Variants in OSMR observed in about 807,000 individuals in gnomAD.
OSMR encodes oncostatin-M-specific receptor subunit beta.
Under a neutral mutation model 99.9 loss-of-function variants are expected in OSMR, and 81 were observed. The observed-to-expected ratio is 0.81, with a 90% CI of 0.68 to 0.97. The LOEUF is 0.97. Among genes scored for constraint, OSMR ranks in the 50% least tolerant of loss-of-function variants. The probability of loss-of-function intolerance (pLI) is 0.00; values close to 1 mark genes in which losing one functional copy is unlikely to be tolerated. For synonymous variants in OSMR, 406 were observed against 410.4 expected (o/e 0.99, Z 0.13); for missense variants, 1,099 against 1,153.4 (o/e 0.95, Z 0.68).
chr5:38,881,194 CT>C (rs367864552), intron 3 of OSMR, among the ~76,000 whole-genome samples: 349 of 148,224 alleles, frequency 2.4e-3, no homozygotes, highest in African/African-American at 5.1e-3. Context: ...AACAAACAAT[CT>C]TTTTTTTTTT....
intron 15 of OSMR, among the ~76,000 whole-genome samples, chr5:38,930,682 C>A (rs990979348): frequency 6.6e-6 from 1 of 152,034 alleles, no homozygotes; most frequent in Non-Finnish European, 1.5e-5. Flanking sequence ...GAGATACTCT[C>A]TGAAAGAAAA....
Position 38,924,236 on chromosome 5 carries a change from C to T in OSMR, c.1871-186C>T, listed in dbSNP as rs956950365. 5 of 845,914 alleles carry T rather than the reference C, an allele frequency of 5.9e-6. No individual in the cohort carries two copies. In the African/African-American group the frequency reaches 9.2e-5, roughly 16 times the overall value. The allele number at this position is 845,914 out of a possible 1,614,324, so 52.4% of individuals were successfully genotyped here. A position where few individuals can be genotyped will look rare whatever the true frequency, so the allele number is the denominator to read the frequency against. ...GCAAGACTTGAACAAGATTGCTCAA[C>T]TCCTTCACAGCTCTCATAAACTATG... is the stretch of plus-strand genomic sequence containing the variant. On this transcript the variant is annotated intron_variant, in intron 13 of 17. Coordinates refer to ENST00000274276, the MANE Select transcript of OSMR (RefSeq NM_003999.3).
intron 9 of OSMR, among the ~76,000 whole-genome samples, chr5:38,916,695 AAATC>A (rs1213818131): frequency 2.0e-5 from 3 of 152,166 alleles, no homozygotes; most frequent in Admixed American, 6.5e-5. Flanking sequence ...TTTAGATGCA[AAATC>A]AATCAGTCAA....
intron 7 of OSMR, among the ~76,000 whole-genome samples, chr5:38,892,800 G>A (rs558852510): frequency 1.3e-5 from 2 of 152,184 alleles, no homozygotes; most frequent in South Asian, 2.1e-4. Flanking sequence ...TCCTAGAACA[G>A]GGGAGTGATA....
intron 9 of OSMR, among the ~76,000 whole-genome samples, chr5:38,912,344 A>T (rs556995702): frequency 6.6e-6 from 1 of 152,350 alleles, no homozygotes; most frequent in African/African-American, 2.4e-5. Flanking sequence ...ATACACAAAA[A>T]TATCTAGTAA....
chr5:38,927,874 T>A (rs1746542204), intron 15 of OSMR, among the ~76,000 whole-genome samples: 1 of 152,242 alleles, frequency 6.6e-6, no homozygotes, highest in South Asian at 2.1e-4. Context: ...CTGCTTCCTC[T>A]TGAATGCTTT....
At position 38,908,978 on chromosome 5, in the gene OSMR, C is replaced by T. The variant is rs537470287; in HGVS notation, c.1285+4475C>T. On this transcript the variant is annotated intron_variant, in intron 9 of 17. Transcript: ENST00000274276. ...TATGGATAGAAACAAAGATCATCAA[C>T]ATCCAAGAGAAAGTGAAAACCCAAT... is the stretch of plus-strand genomic sequence containing the variant. Among the ~76,000 whole-genome samples the T allele has an allele frequency of 1.9e-4, 29 of 152,228 alleles. No individual in the cohort carries two copies. The Middle Eastern group carries it at 0.01, about 54-fold the overall frequency.
chr5:38,900,168 A>G (rs188509157), intron 7 of OSMR, among the ~76,000 whole-genome samples: 30 of 152,206 alleles, frequency 2.0e-4, no homozygotes, highest in Non-Finnish European at 3.5e-4. Flanking sequence ...GCTGAGTTCA[A>G]CCTGGTTTTG....
chr5:38,868,962 T>G, intron 1 of OSMR, 70 bp from the exon 2 acceptor site: 5 of 1,564,606 alleles, frequency 3.2e-6, no homozygotes, highest in Non-Finnish European at 4.3e-6. Context: ...TCTACCACAA[T>G]TGGCTCGAAG....
rs73083341 is a variant in OSMR, at chr5:38,894,012, G to A, written c.991+7822G>A. ...AACCTTACAAGCCAGAAGAGATTGA[G>A]GGTCTATTTTCAGCATTCTCAAAGG... On this transcript the variant is annotated intron_variant, in intron 7 of 17. Transcript: ENST00000274276. Among the ~76,000 whole-genome samples, 445 of 152,316 alleles carry A rather than the reference G, an allele frequency of 2.9e-3. 1 individual carries two copies. Among genetic ancestry groups the A allele is most frequent in the African/African-American group, 0.01 (426 of 41,566 alleles).
At chr5:38,896,195 G>A (rs1205899946) in intron 7 of OSMR, among the ~76,000 whole-genome samples, 1 of 151,954 alleles carries the variant, frequency 6.6e-6, no homozygotes, top group African/African-American at 2.4e-5. Flanking sequence ...AATGTCTTTG[G>A]TATTTTGATA....
chr5:38,907,459 C>T (rs2112564208), intron 9 of OSMR, among the ~76,000 whole-genome samples: 1 of 152,306 alleles, frequency 6.6e-6, no homozygotes, highest in African/African-American at 2.4e-5. Flanking sequence ...CACAAATCCC[C>T]CAAGCCTTGC....
At chr5:38,943,134 C>T (rs1432267936) in intron 1 of OSMR, 3 of 464,750 alleles carry the variant, frequency 6.5e-6, no homozygotes, top group African/African-American at 4.1e-5. Context: ...ATTCCTGTCA[C>T]ACACTTAGAC....
downstream of OSMR, chr5:38,945,470 AGGT>A (rs760635119): frequency 6.7e-7 from 1 of 1,499,048 alleles, no homozygotes; most frequent in South Asian, 1.2e-5. Flanking sequence ...GTTTTTCTGA[AGGT>A]GGGACGTGAT....
intron 9 of OSMR, among the ~76,000 whole-genome samples, chr5:38,906,459 A>G (rs1415885442): frequency 4.6e-5 from 7 of 152,194 alleles, no homozygotes; most frequent in Middle Eastern, 3.2e-3. Flanking sequence ...AGTTAAATGA[A>G]TTGATGGTAT....
rs939639363 is a variant in OSMR, at chr5:38,857,620, T to C, written c.-14+11233T>C. ...GCATATTCAAAACTTTACACATTTA[T>C]CATTTCTTTCTGATAACATTTAAAA... is the stretch of plus-strand genomic sequence containing the variant. On this transcript the variant is annotated intron_variant, in intron 1 of 17. Coordinates refer to ENST00000274276, the MANE Select transcript of OSMR (RefSeq NM_003999.3). 2.0e-5 allele frequency among the ~76,000 whole-genome samples: 3 copies of C among 152,286 alleles called. No homozygotes were observed. The East Asian group carries it at 5.8e-4, about 29-fold the overall frequency.
In OSMR at chr5:38,866,075, G is replaced by C. The variant is rs559716762; in HGVS notation, c.-13-2957G>C. On this transcript the variant is annotated intron_variant, in intron 1 of 17. Transcript: ENST00000274276. ...GATGTATGTGGGCACCAGCAGGCTG[G>C]GGGAGGCCTGTCCTCAGGACTCCAG... Among the ~76,000 whole-genome samples, 32 of 152,294 alleles carry C rather than the reference G, an allele frequency of 2.1e-4. No individual in the cohort carries two copies. In the South Asian group the frequency reaches 6.6e-3, roughly 32 times the overall value.
intron 7 of OSMR, among the ~76,000 whole-genome samples, chr5:38,893,993 A>T (rs1744326115): frequency 6.6e-6 from 1 of 152,248 alleles, no homozygotes; most frequent in Non-Finnish European, 1.5e-5. Flanking sequence ...CAGAAACCTT[A>T]CAAGCCAGAA....
At chr5:38,912,006 A>G (rs1745620651) in intron 9 of OSMR, among the ~76,000 whole-genome samples, 1 of 152,094 alleles carries the variant, frequency 6.6e-6, no homozygotes, top group South Asian at 2.1e-4. Context: ...CTGGAATAAG[A>G]CAAGGATGTC....
Sources: allele counts gnomAD v4.1 joint callset (sites outside exome capture counted in the v4.1 genomes callset), GRCh38; gene constraint gnomAD v4.1.1; transcripts MANE v1.5; gene names NCBI Gene and HGNC (gene_info 2026-07-23, HGNC 2026-07-21).